The following REEP1 variants were observed in gnomAD, a reference collection of about 807,000 sequenced individuals.
The protein encoded by REEP1 is receptor accessory protein 1, also known as receptor expression-enhancing protein 1.
In REEP1, 22 loss-of-function variants were observed where a neutral mutation model predicts 40.3. That is an observed-to-expected ratio of 0.55 (90% CI 0.39 to 0.78). The LOEUF is 0.78. REEP1 is among the 30% of genes least tolerant of loss of function. REEP1 has a pLI of 0.00. For missense variants in REEP1, 280 were observed against 361.1 expected, an observed-to-expected ratio of 0.78 and a Z score of 1.82; for synonymous variants, 116 against 139.2, an observed-to-expected ratio of 0.83 and a Z score of 1.17.
chr2:86,281,271 T>A (rs1226227442), intron 2 of REEP1, among the ~76,000 whole-genome samples: 1 of 152,162 alleles, frequency 6.6e-6, no homozygotes, highest in Non-Finnish European at 1.5e-5. Context: ...ATTGAGATTA[T>A]CCTCTGACCA....
At chr2:86,254,501 C>T (rs546947155) in intron 4 of REEP1, among the ~76,000 whole-genome samples, 193 bp downstream of exon 4, 1 of 152,084 alleles carries the variant, frequency 6.6e-6, no homozygotes, top group Non-Finnish European at 1.5e-5. Flanking sequence ...CAAATAACAT[C>T]TTTTAGAGAA....
chr2:86,269,874 A>C (rs1259513712), intron 2 of REEP1, among the ~76,000 whole-genome samples: 1 of 152,120 alleles, frequency 6.6e-6, no homozygotes, highest in Non-Finnish European at 1.5e-5. Flanking sequence ...AACAATAAGA[A>C]AACAAACAAC....
intron 6 of REEP1, 60 bp from the exon 7 acceptor site, chr2:86,227,458 C>T (rs1306430725): frequency 1.1e-5 from 14 of 1,222,306 alleles, no homozygotes; most frequent in African/African-American, 6.2e-5. Flanking sequence ...GAACCAGCCC[C>T]GGGCAAACAG....
chr2:86,268,678 CA>C (rs1677274967), intron 2 of REEP1, among the ~76,000 whole-genome samples: 1 of 151,948 alleles, frequency 6.6e-6, no homozygotes, highest in African/African-American at 2.4e-5. Flanking sequence ...TAATATAATA[CA>C]AAAGAAGAAC....
At chr2:86,260,202 C>T (rs1010561360) in intron 3 of REEP1, among the ~76,000 whole-genome samples, 1 of 152,152 alleles carries the variant, frequency 6.6e-6, no homozygotes, top group African/African-American at 2.4e-5. Context: ...AGGGTGAGGA[C>T]ATGATCAGGC....
chr2:86,261,050 C>T (rs1676827926), intron 3 of REEP1, among the ~76,000 whole-genome samples: 1 of 152,092 alleles, frequency 6.6e-6, no homozygotes, highest in South Asian at 2.1e-4. Flanking sequence ...ATTCCAGCTA[C>T]CCAGGAGGAA....
intron 7 of REEP1, among the ~76,000 whole-genome samples, chr2:86,225,892 C>A (rs1345370293): frequency 2.6e-5 from 4 of 152,196 alleles, no homozygotes; most frequent in Non-Finnish European, 5.9e-5. Context: ...AGTCCAGGAC[C>A]CTCACTAGTC....
intron 1 of REEP1, among the ~76,000 whole-genome samples, chr2:86,323,455 G>A (rs958211396): frequency 5.9e-5 from 9 of 152,086 alleles, no homozygotes; most frequent in Non-Finnish European, 1.2e-4. Flanking sequence ...GTGAGCAGCA[G>A]CATTACCACC....
intron 2 of REEP1, among the ~76,000 whole-genome samples, chr2:86,270,922 C>A (rs1381640740): frequency 6.6e-6 from 1 of 151,970 alleles, no homozygotes; most frequent in Non-Finnish European, 1.5e-5. Flanking sequence ...AAATAACAAA[C>A]CCTGATCAGG....
In REEP1 at chr2:86,224,252, T is replaced by C. The variant is rs184685637; in HGVS notation, c.631+3111A>G. ...GAGGTAATTTGAATCTTCCCAGGCT[T>C]TGGCCTGAGTGAGCACCCCTTGTGA... On this transcript the variant is annotated intron_variant, in intron 7 of 8. Coordinates refer to ENST00000538924, the MANE Select transcript of REEP1 (RefSeq NM_001371279.1). Among the ~76,000 whole-genome samples the C allele has an allele frequency of 2.9e-3, 443 of 152,318 alleles. 5 individuals are homozygous for C. The highest frequency in any genetic ancestry group is 4.1e-3 in the Non-Finnish European group (281 of 68,026).
chr2:86,222,527 T>C (rs1445390704), intron 7 of REEP1, among the ~76,000 whole-genome samples: 1 of 152,234 alleles, frequency 6.6e-6, no homozygotes, highest in Non-Finnish European at 1.5e-5. Flanking sequence ...ACATTCTAAA[T>C]AAGACAAGCT....
intron 7 of REEP1, among the ~76,000 whole-genome samples, chr2:86,221,353 A>G (rs1558866770): frequency 6.6e-6 from 1 of 152,216 alleles, no homozygotes; most frequent in Non-Finnish European, 1.5e-5. Context: ...CTTAGTAAGT[A>G]AAGTCCTGAG....
intron 1 of REEP1, among the ~76,000 whole-genome samples, chr2:86,326,875 C>T (rs1478926171): frequency 6.6e-6 from 1 of 152,174 alleles, no homozygotes; most frequent in Non-Finnish European, 1.5e-5. Context: ...TCTAGCCACC[C>T]ACAGGTTCTA....
chr2:86,261,876 G>A (rs990454006), intron 3 of REEP1, among the ~76,000 whole-genome samples: 4 of 152,240 alleles, frequency 2.6e-5, no homozygotes, highest in Non-Finnish European at 4.4e-5. Context: ...GGGAAAAACC[G>A]CCTTAGGGCT....
chr2:86,288,931 C>T (rs554869956), intron 1 of REEP1, among the ~76,000 whole-genome samples: 1 of 152,284 alleles, frequency 6.6e-6, no homozygotes, highest in African/African-American at 2.4e-5. Context: ...TATATCCCTC[C>T]ATTAGTTTAT....
intron 1 of REEP1, among the ~76,000 whole-genome samples, chr2:86,294,845 T>C (rs1253283704): frequency 1.3e-5 from 2 of 152,092 alleles, no homozygotes; most frequent in African/African-American, 4.8e-5. Flanking sequence ...GAAATTACCA[T>C]GATTCCAGGC....
chr2:86,231,474 A>G lies in REEP1; in HGVS notation c.595+1151T>C, dbSNP rs116329830. Among the ~76,000 whole-genome samples the G allele has an allele frequency of 9.3e-3, 1,412 of 152,342 alleles. 18 individuals are homozygous for G. The highest frequency in any genetic ancestry group is 0.032 in the African/African-American group (1,321 of 41,580). ...TGAGTTGCCATTCCCAGGCAGCCGC[A>G]GGCCTCATGCCTTCCTGTTGATGGC... On this transcript the variant is annotated intron_variant, in intron 6 of 8. Coordinates refer to ENST00000538924, the MANE Select transcript of REEP1 (RefSeq NM_001371279.1).
intron 5 of REEP1, among the ~76,000 whole-genome samples, chr2:86,235,488 A>C (rs1675268290): frequency 6.6e-6 from 1 of 152,232 alleles, no homozygotes; most frequent in Non-Finnish European, 1.5e-5. Context: ...TGCTGTGGCT[A>C]CTGCCTAAGA....
At position 86,254,897 on chromosome 2, in the gene REEP1, A is replaced by AG; in HGVS notation, c.183-84dup. ...GAAGGATGAGACCCGGTGGGTGGCA[A>AG]GGACGCCTCTCCTGCTTGCATGTGG... On this transcript the variant is annotated intron_variant, in intron 3 of 8. Transcript: ENST00000538924. 2.7e-6 allele frequency: 4 copies of AG among 1,499,010 alleles called. No individual in the cohort carries two copies. The South Asian group carries it at 4.6e-5, about 17-fold the overall frequency. The allele number at this position is 1,499,010 out of a possible 1,614,324, so 92.9% of individuals were successfully genotyped here.
Sources: allele counts gnomAD v4.1 joint callset (sites outside exome capture counted in the v4.1 genomes callset), GRCh38; gene constraint gnomAD v4.1.1; transcripts MANE v1.5; gene names NCBI Gene and HGNC (gene_info 2026-07-23, HGNC 2026-07-21).